The following CD276 variants were observed in gnomAD, a reference collection of about 807,000 sequenced individuals.
CD276 encodes CD276 molecule, also known as CD276 antigen.
CD276 carries 34 observed loss-of-function variants against 50.0 expected under a neutral mutation model. The observed-to-expected ratio is 0.68, with a 90% CI of 0.52 to 0.91. The LOEUF is 0.91. CD276 is among the 40% of genes least tolerant of loss of function. CD276 has a pLI of 0.00. For synonymous variants in CD276, 275 were observed against 313.0 expected (o/e 0.88, Z 1.28); for missense variants, 634 against 717.5 (o/e 0.88, Z 1.33).
chr15:73,704,840 G>C lies in CD276; in HGVS notation c.1369+368G>C, dbSNP rs1900584561. Among the ~76,000 whole-genome samples the C allele has an allele frequency of 6.6e-6, 1 of 152,170 alleles. No homozygotes were observed. The highest frequency in any genetic ancestry group is 6.5e-5 in the Admixed American group (1 of 15,280). ...CTCTGAGTGGTAGGAAGGTATTCTG[G>C]GTCAGTGGGCGCCATCTGATTCTGA... On this transcript the variant is annotated intron_variant, in intron 6 of 9. Transcript: ENST00000318443. This position sits in a 1 kb window ranked among gnomAD's most constrained non-coding sequence, Gnocchi z 4.1.
rs577696420 is a variant in CD276 at position 73,708,477 on chromosome 15, A to G, written c.1504+4A>G. 4.3e-6 allele frequency: 7 copies of G among 1,611,016 alleles called. No homozygotes were observed. Among genetic ancestry groups the G allele is most frequent in the Non-Finnish European group, 5.9e-6 (7 of 1,178,388 alleles). ...AGCTGTGAGGAGGAGAATGCAGGTG[A>G]GTGTGTGTGTATGTGTGTGCGTGCG... is the stretch of plus-strand genomic sequence containing the variant. On this transcript the variant is annotated splice_donor_region_variant and intron_variant, in intron 7 of 9. Coordinates refer to ENST00000318443, the MANE Select transcript of CD276 (RefSeq NM_001024736.2).
intron 9 of CD276, chr15:73,711,386 A>G (rs908264211): frequency 2.1e-5 from 12 of 566,978 alleles, no homozygotes; most frequent in Non-Finnish European, 3.5e-5. Context: ...CTTAAGCAGG[A>G]CAGGAGTTTA....
chr15:73,709,403 G>A (rs895818264), intron 7 of CD276, among the ~76,000 whole-genome samples: 5 of 151,790 alleles, frequency 3.3e-5, no homozygotes, highest in Non-Finnish European at 5.9e-5. Flanking sequence ...TGGTGGGGGC[G>A]CCAGGCTGGG....
At position 73,699,701 on chromosome 15, in the gene CD276, T is replaced by C; in HGVS notation, c.62T>C (p.Leu21Pro). 6.2e-7 allele frequency: 1 copy of C among 1,607,788 alleles called. No homozygotes were observed. The highest frequency in any genetic ancestry group is 8.5e-7 in the Non-Finnish European group (1 of 1,176,698). ...CATGTGGGTGCAGCCCTGGGAGCACTGTGGTTCTGCCTCACAGGTGAGGGT... is the reference window on the plus strand; with the variant it reads ...CATGTGGGTGCAGCCCTGGGAGCACCGTGGTTCTGCCTCACAGGTGAGGGT... ...GVHVGAALGA[L>P]WFCLTGALEV... is the part of the protein sequence containing the mutation. Residue 21 changes from leucine to proline, a missense_variant, in exon 2 of 10, where the codon CTG becomes CCG. Leu to Pro is a moderately conservative substitution (Grantham distance 98). Transcript: ENST00000318443.
intron 8 of CD276, among the ~76,000 whole-genome samples, chr15:73,710,455 G>A (rs1900848620): frequency 6.6e-6 from 1 of 152,196 alleles, no homozygotes; most frequent in Admixed American, 6.5e-5. Flanking sequence ...TGGGTGCCAA[G>A]GCACTGGTGC....
At chr15:73,702,024 A>G (rs1900409956) in intron 2 of CD276, among the ~76,000 whole-genome samples, 1 of 152,192 alleles carries the variant, frequency 6.6e-6, no homozygotes, top group Non-Finnish European at 1.5e-5. Context: ...TTCTGTGGGG[A>G]TGTGACCGTA....
rs373914977 is a variant in CD276, at chr15:73,704,036, C to T, written c.1072+39C>T. ...GGGCGACGCCTTCCCCTTGGTTCAC[C>T]CTCCATTCCCTCTGCAGCCCACCCT... is the stretch of plus-strand genomic sequence containing the variant. On this transcript the variant is annotated intron_variant, in intron 5 of 9. Transcript: ENST00000318443. The surrounding 1 kb of genome is among the most constrained non-coding windows in gnomAD (Gnocchi z 4.1). 5 of 1,584,312 alleles carry T rather than the reference C, an allele frequency of 3.2e-6. No homozygotes were observed. The African/African-American group carries it at 5.4e-5, about 17-fold the overall frequency.
chr15:73,697,225 G>C (rs1246802724), intron 1 of CD276, among the ~76,000 whole-genome samples: 1 of 152,130 alleles, frequency 6.6e-6, no homozygotes, highest in African/African-American at 2.4e-5. Context: ...AGGCTTTGAG[G>C]CCGGAAGCGT....
intron 1 of CD276, among the ~76,000 whole-genome samples, chr15:73,696,255 C>T (rs544211244): frequency 6.6e-6 from 1 of 151,928 alleles, no homozygotes; most frequent in East Asian, 1.9e-4. Flanking sequence ...GGATGAGATT[C>T]CCCTTTGTGG....
intron 1 of CD276, among the ~76,000 whole-genome samples, chr15:73,698,541 G>T (rs926560658): frequency 6.6e-6 from 1 of 152,026 alleles, no homozygotes; most frequent in Admixed American, 6.6e-5. Flanking sequence ...TTCCTACAGG[G>T]ATGGCTATAT....
At chr15:73,710,763 A>G (rs1204841327) in intron 8 of CD276, among the ~76,000 whole-genome samples, 2 of 152,152 alleles carry the variant, frequency 1.3e-5, no homozygotes, top group African/African-American at 4.8e-5. Flanking sequence ...GGTCAGTCTC[A>G]TTCCACATGG....
chr15:73,702,480 A>C lies in CD276; in HGVS notation c.305A>C (p.Gln102Pro). ...RTALFPDLLA[Q>P]GNASLRLQRV... Reference sequence around the variant, plus strand: ...GCCCTCTTCCCGGACCTGCTGGCACAGGGCAACGCATCCCTGAGGCTGCAG... The same window carrying C: ...GCCCTCTTCCCGGACCTGCTGGCACCGGGCAACGCATCCCTGAGGCTGCAG... Residue 102 changes from glutamine (Q) to proline (P), a missense_variant, in exon 3 of 10, where the codon CAG becomes CCG. Coordinates refer to ENST00000318443, the MANE Select transcript of CD276 (RefSeq NM_001024736.2). 1 of 1,613,666 alleles carries C rather than the reference A, an allele frequency of 6.2e-7. No individual in the cohort carries two copies. The highest frequency in any genetic ancestry group is 1.1e-5 in the South Asian group (1 of 91,086).
In CD276 at chr15:73,714,383, G is replaced by A. The variant is rs768090983; in HGVS notation, c.*1427G>A. The A allele has an allele frequency of 1.3e-5, 2 of 153,034 alleles. No homozygotes were observed. The highest frequency in any genetic ancestry group is 2.4e-5 in the African/African-American group (1 of 41,450). 9.5% of individuals were successfully genotyped at this position (153,034 alleles called of 1,614,324 possible). A position where few individuals can be genotyped will look rare whatever the true frequency, so the allele number is the denominator to read the frequency against. ...GGTAGAGTGAGACTTCAGACGTTCTGATGCCTTCCGGATGTCATCTCTCCC... is the reference window on the plus strand; with the variant it reads ...GGTAGAGTGAGACTTCAGACGTTCTAATGCCTTCCGGATGTCATCTCTCCC... On this transcript the variant is annotated 3_prime_UTR_variant, in exon 10 of 10. Transcript: ENST00000318443.
chr15:73,709,734 A>C, intron 8 of CD276, 45 bp downstream of exon 8: 1 of 1,588,956 alleles, frequency 6.3e-7, no homozygotes, highest in Non-Finnish European at 8.6e-7. Flanking sequence ...GGAGAGGGAC[A>C]TATGGGAAAG....
rs1171550668 is a variant in CD276 at position 73,713,649 on chromosome 15, G to A, written c.*693G>A. On this transcript the variant is annotated 3_prime_UTR_variant, in exon 10 of 10. Transcript: ENST00000318443. ...TGTGCATGGAGACCTGCAGGTGCAC[G>A]TGCTGGAACACGTGTGGTTCCCCCC... 3 of 384,718 alleles carry A rather than the reference G, an allele frequency of 7.8e-6. No individual in the cohort carries two copies. Among genetic ancestry groups the A allele is most frequent in the Admixed American group, 3.8e-5 (1 of 26,348 alleles). The allele number at this position is 384,718 out of a possible 1,614,324, so 23.8% of individuals were successfully genotyped here. A position where few individuals can be genotyped will look rare whatever the true frequency, so the allele number is the denominator to read the frequency against.
chr15:73,709,638 G>T lies in CD276; in HGVS notation c.1505-10G>T. On this transcript the variant is annotated splice_polypyrimidine_tract_variant and intron_variant, in intron 7 of 9. Transcript: ENST00000318443. ...AGATTTTTGTTTATTCTGAGTTCTT[G>T]CCTTTGCAGGAGCTGAGGACCAGGA... is the stretch of plus-strand genomic sequence containing the variant. 6.2e-7 allele frequency: 1 copy of T among 1,613,058 alleles called. No homozygotes were observed. Among genetic ancestry groups the T allele is most frequent in the Non-Finnish European group, 8.5e-7 (1 of 1,179,600 alleles).
Position 73,704,656 on chromosome 15 carries a change from A to G in CD276, c.1369+184A>G, listed in dbSNP as rs1164213101. 6.6e-6 allele frequency among the ~76,000 whole-genome samples: 1 copy of G among 152,310 alleles called. No individual in the cohort carries two copies. Among genetic ancestry groups the G allele is most frequent in the East Asian group, 1.9e-4 (1 of 5,174 alleles). On this transcript the variant is annotated intron_variant, in intron 6 of 9. Transcript: ENST00000318443. This position sits in a 1 kb window ranked among gnomAD's most constrained non-coding sequence, Gnocchi z 4.1. ...ACTCGAGCTGATAAGAACCATTTAT[A>G]ATGTTTGCCTTCCTAAGAGTGCTTT...
At chr15:73,711,382 C>A in intron 9 of CD276, 1 of 577,756 alleles carries the variant, frequency 1.7e-6, no homozygotes, top group Admixed American at 3.0e-5. Context: ...GAGGCTTAAG[C>A]AGGACAGGAG....
intron 1 of CD276, chr15:73,697,462 G>T (rs2141552822): frequency 1.3e-5 from 2 of 152,294 alleles, no homozygotes; most frequent in East Asian, 3.9e-4. Flanking sequence ...TGTTGATGAG[G>T]TTTGCTCCGT....
Sources: gnomAD v4.1 joint callset for allele counts (sites outside exome capture counted in the v4.1 genomes callset) on GRCh38, gnomAD v4.1.1 for gene constraint, Gnocchi (gnomAD v3.1) non-coding constraint, MANE v1.5 for transcripts, NCBI Gene and HGNC (gene_info 2026-07-23, HGNC 2026-07-21) for gene names.